Variants in BMP5 observed in about 807,000 individuals in gnomAD.
BMP5 encodes the protein bone morphogenetic protein 5.
Under a neutral mutation model 46.6 loss-of-function variants are expected in BMP5, and 23 were observed. The ratio of observed to expected loss-of-function variants is 0.49; its 90% confidence interval spans 0.35 to 0.70. The LOEUF is 0.70. Ranked by LOEUF, BMP5 falls within the 30% of genes least tolerant of loss-of-function variation. The pLI is 0.00. For synonymous variants in BMP5, 204 were observed against 191.9 expected, an observed-to-expected ratio of 1.06 and a Z score of -0.52; for missense variants, 545 against 565.6, an observed-to-expected ratio of 0.96 and a Z score of 0.37.
At chr6:55,765,944 T>G (rs1774906842) in intron 4 of BMP5, among the ~76,000 whole-genome samples, 2 of 152,108 alleles carry the variant, frequency 1.3e-5, no homozygotes, top group African/African-American at 4.8e-5. Context: ...TAAAGGACAG[T>G]TCCCTGACGC....
intron 1 of BMP5, among the ~76,000 whole-genome samples, chr6:55,857,044 T>A (rs1777416637): frequency 6.6e-6 from 1 of 152,188 alleles, no homozygotes. Flanking sequence ...TGGTTCATGA[T>A]CATAGTGACT....
chr6:55,873,851 T>C lies in BMP5; in HGVS notation c.490+525A>G, dbSNP rs145618494. The stretch of plus-strand genomic sequence containing the variant: ...TAGAATTTCAGAATCCCTTCCTTGA[T>C]TCCTTGATAGTAATCTTTTATGGTG... On this transcript the variant is annotated intron_variant, in intron 1 of 6. Coordinates refer to ENST00000370830, the MANE Select transcript of BMP5 (RefSeq NM_021073.4). Among the ~76,000 whole-genome samples the C allele has an allele frequency of 1.1e-4, 16 of 152,214 alleles. No individual in the cohort carries two copies. The East Asian group carries it at 3.1e-3, about 29-fold the overall frequency.
Position 55,803,030 on chromosome 6 carries a change from T to C in BMP5, c.684-8603A>G, listed in dbSNP as rs542741259. ...TGCCGGGTGCGGTGGCTCATGCCTG[T>C]AATCCCAGCACTTGGGAGGCCAAGG... On this transcript the variant is annotated intron_variant, in intron 2 of 6. Transcript: ENST00000370830. Among the ~76,000 whole-genome samples, 890 of 151,914 alleles carry C rather than the reference T, an allele frequency of 5.9e-3. 9 individuals carry two copies. The highest frequency in any genetic ancestry group is 0.02 in the African/African-American group (833 of 41,414).
chr6:55,796,467 A>T (rs997591488), intron 2 of BMP5, among the ~76,000 whole-genome samples: 4 of 151,062 alleles, frequency 2.6e-5, no homozygotes, highest in African/African-American at 7.3e-5. Flanking sequence ...GTATATATAT[A>T]TATTTTTTTC....
intron 1 of BMP5, among the ~76,000 whole-genome samples, chr6:55,837,339 A>ATAGG (rs1287462617): frequency 1.0e-5 from 1 of 100,302 alleles, no homozygotes; most frequent in African/African-American, 4.2e-5. Context: ...ACTAATTTAG[A>ATAGG]TAGATAGATA....
chr6:55,865,129 T>C (rs1360621431), intron 1 of BMP5, among the ~76,000 whole-genome samples: 1 of 152,164 alleles, frequency 6.6e-6, no homozygotes, highest in Non-Finnish European at 1.5e-5. Flanking sequence ...TTTAAAAGTT[T>C]ATACACCTAA....
chr6:55,801,512 C>T (rs1344548461), intron 2 of BMP5, among the ~76,000 whole-genome samples: 2 of 152,170 alleles, frequency 1.3e-5, no homozygotes, highest in Non-Finnish European at 2.9e-5. Context: ...CCTTGTTTCC[C>T]CCAATGCATC....
At chr6:55,774,515 A>G (rs886578721) in intron 3 of BMP5, among the ~76,000 whole-genome samples, 43 of 151,976 alleles carry the variant, frequency 2.8e-4, no homozygotes, top group African/African-American at 9.7e-4. Context: ...AGTCAAGAAT[A>G]CTATAAATTG....
chr6:55,788,952 C>CT lies in BMP5; in HGVS notation c.832+5326dup, dbSNP rs917542173. On this transcript the variant is annotated intron_variant, in intron 3 of 6. Coordinates refer to ENST00000370830, the MANE Select transcript of BMP5 (RefSeq NM_021073.4). ...TTTGACAGTTTAATACCTCTGAAAT[C>CT]TTTTTTTTTTCTTGATTTGGGTACA... Among the ~76,000 whole-genome samples the CT allele has an allele frequency of 2.6e-3, 387 of 148,740 alleles. 1 individual carries two copies. The highest frequency in any genetic ancestry group is 6.9e-3 in the Middle Eastern group (2 of 290).
At chr6:55,856,769 TATC>T (rs1777409664) in intron 1 of BMP5, among the ~76,000 whole-genome samples, 1 of 152,114 alleles carries the variant, frequency 6.6e-6, no homozygotes, top group South Asian at 2.1e-4. Context: ...ATTTCATACA[TATC>T]AATATATTTC....
In BMP5 at chr6:55,875,113, T is replaced by G. The variant is rs868409391; in HGVS notation, c.-248A>C. On this transcript the variant is annotated 5_prime_UTR_variant, in exon 1 of 7. Coordinates refer to ENST00000370830, the MANE Select transcript of BMP5 (RefSeq NM_021073.4). The stretch of plus-strand genomic sequence containing the variant: ...AACTCAGATTTCCAATTATCCACAG[T>G]TGTTAAGAGTTTTTGCTGCATTGAT... The G allele has an allele frequency of 1.2e-5, 5 of 433,670 alleles. No homozygotes were observed. The highest frequency in any genetic ancestry group is 2.1e-5 in the Non-Finnish European group (5 of 240,040). The allele number at this position is 433,670 out of a possible 1,614,324, so 26.9% of individuals were successfully genotyped here. A position where few individuals can be genotyped will look rare whatever the true frequency, so the allele number is the denominator to read the frequency against.
chr6:55,781,525 T>A (rs1775316801), intron 3 of BMP5, among the ~76,000 whole-genome samples: 1 of 152,084 alleles, frequency 6.6e-6, no homozygotes, highest in Non-Finnish European at 1.5e-5. Flanking sequence ...GTAATTAAAG[T>A]GGTCTTTGAA....
chr6:55,825,044 T>G (rs1582096213), intron 1 of BMP5, among the ~76,000 whole-genome samples: 1 of 151,882 alleles, frequency 6.6e-6, no homozygotes, highest in South Asian at 2.1e-4. Flanking sequence ...AATAAGTCCA[T>G]CAACATAGGG....
At chr6:55,787,808 G>A (rs1179834983) in intron 3 of BMP5, among the ~76,000 whole-genome samples, 5 of 151,484 alleles carry the variant, frequency 3.3e-5, no homozygotes, top group African/African-American at 4.8e-5. Context: ...TAATATTGGC[G>A]AAAATAAAAG....
chr6:55,822,238 A>T (rs761086351), intron 1 of BMP5, among the ~76,000 whole-genome samples: 2 of 152,132 alleles, frequency 1.3e-5, no homozygotes, highest in Non-Finnish European at 2.9e-5. Flanking sequence ...GTTAACATAG[A>T]CCTAAAATCT....
intron 2 of BMP5, among the ~76,000 whole-genome samples, chr6:55,803,949 C>A (rs1775920530): frequency 6.6e-6 from 1 of 152,162 alleles, no homozygotes; most frequent in African/African-American, 2.4e-5. Flanking sequence ...ACTTTAGACC[C>A]ATCACAAGAT....
At chr6:55,769,856 T>C (rs1453305138) in intron 4 of BMP5, among the ~76,000 whole-genome samples, 1 of 151,884 alleles carries the variant, frequency 6.6e-6, no homozygotes, top group African/African-American at 2.4e-5. Context: ...TCTTGGGTGA[T>C]CAAGTACATT....
At chr6:55,821,874 G>T (rs1776417734) in intron 1 of BMP5, among the ~76,000 whole-genome samples, 1 of 152,086 alleles carries the variant, frequency 6.6e-6, no homozygotes, top group South Asian at 2.1e-4. Context: ...GCTAAAACTA[G>T]CCACAACTTT....
chr6:55,777,930 T>C (rs750607980), intron 3 of BMP5, among the ~76,000 whole-genome samples: 8 of 151,976 alleles, frequency 5.3e-5, no homozygotes, highest in Non-Finnish European at 1.0e-4. Flanking sequence ...ATTCTCTCTA[T>C]ATGAGAAGAA....
Sources: allele counts gnomAD v4.1 joint callset (sites outside exome capture counted in the v4.1 genomes callset), GRCh38; gene constraint gnomAD v4.1.1; transcripts MANE v1.5; gene names NCBI Gene and HGNC (gene_info 2026-07-23, HGNC 2026-07-21).